Variants in CHCHD6 observed in about 807,000 individuals in gnomAD.
CHCHD6 encodes the protein coiled-coil-helix-coiled-coil-helix domain containing 6.
In CHCHD6, 28 loss-of-function variants were observed where a neutral mutation model predicts 32.3. The observed-to-expected ratio is 0.87, with a 90% confidence interval of 0.64 to 1.19. The LOEUF is 1.19. Among genes scored for constraint, CHCHD6 ranks in the 50% most tolerant of loss-of-function variants. The pLI, the probability that CHCHD6 is intolerant of heterozygous loss-of-function variation, is 0.00. For missense variants in CHCHD6, 333 were observed against 307.0 expected, an observed-to-expected ratio of 1.08 and a Z score of -0.63; for synonymous variants, 122 against 117.5, an observed-to-expected ratio of 1.04 and a Z score of -0.25.
intron 4 of CHCHD6, among the ~76,000 whole-genome samples, chr3:126,785,408 C>A (rs1034788826): frequency 6.6e-6 from 1 of 152,204 alleles, no homozygotes; most frequent in African/African-American, 2.4e-5. Context: ...TGGCTTCAAA[C>A]ACATGAACAT....
At chr3:126,852,597 TCCAGCACCATC>T (rs1941509852) in intron 4 of CHCHD6, 39 bp from the exon 5 acceptor site, 2 of 1,373,822 alleles carry the variant, frequency 1.5e-6, no homozygotes, top group East Asian at 4.6e-5. Flanking sequence ...GCAGCACCAT[TCCAGCACCATC>T]GCTGCTGGCT....
At chr3:126,797,849 C>T (rs1406855862) in intron 4 of CHCHD6, among the ~76,000 whole-genome samples, 1 of 152,082 alleles carries the variant, frequency 6.6e-6, no homozygotes, top group Non-Finnish European at 1.5e-5. Flanking sequence ...AAGCTCTCCC[C>T]CATGGTGTGG....
intron 5 of CHCHD6, among the ~76,000 whole-genome samples, chr3:126,912,693 C>T (rs1483021155): frequency 6.6e-6 from 1 of 152,246 alleles, no homozygotes; most frequent in African/African-American, 2.4e-5. Context: ...GGCAGAATGC[C>T]AGCACCTGGT....
At chr3:126,786,678 T>G (rs187112438) in intron 4 of CHCHD6, among the ~76,000 whole-genome samples, 3 of 152,360 alleles carry the variant, frequency 2.0e-5, no homozygotes, top group African/African-American at 7.2e-5. Flanking sequence ...TGGGGTTGTT[T>G]TTTTCTTGTA....
chr3:126,932,871 A>G (rs1338623330), intron 6 of CHCHD6, among the ~76,000 whole-genome samples: 1 of 150,024 alleles, frequency 6.7e-6, no homozygotes, highest in Non-Finnish European at 1.5e-5. Flanking sequence ...TCTGGATGTT[A>G]TTTAGCAGCA....
At chr3:126,864,946 A>G (rs1181821122) in intron 5 of CHCHD6, among the ~76,000 whole-genome samples, 1 of 143,328 alleles carries the variant, frequency 7.0e-6, no homozygotes, top group African/African-American at 2.6e-5. Flanking sequence ...CTCCTCCACC[A>G]TCATCTCCTC....
chr3:126,838,690 A>G (rs548869224), intron 4 of CHCHD6, among the ~76,000 whole-genome samples: 1 of 152,320 alleles, frequency 6.6e-6, no homozygotes, highest in East Asian at 1.9e-4. Flanking sequence ...GAGAACACCT[A>G]CAGCAGGGCA....
chr3:126,788,413 C>G (rs1348728606), intron 4 of CHCHD6, among the ~76,000 whole-genome samples: 1 of 152,120 alleles, frequency 6.6e-6, no homozygotes, highest in Non-Finnish European at 1.5e-5. Flanking sequence ...CCAGCTCCTC[C>G]TTGTACCTCT....
At position 126,833,441 on chromosome 3, in the gene CHCHD6, C is replaced by G. The variant is rs554512736; in HGVS notation, c.412-19206C>G. ...GTTAAATTTGAAAACAGTTTCTAAA[C>G]AATATTTTGAACAAGAGCAGCTTTG... On this transcript the variant is annotated intron_variant, in intron 4 of 7. Coordinates refer to ENST00000290913, the MANE Select transcript of CHCHD6 (RefSeq NM_032343.3). Among the ~76,000 whole-genome samples, 6 of 152,288 alleles carry G rather than the reference C, an allele frequency of 3.9e-5. No homozygotes were observed. In the East Asian group the frequency reaches 1.2e-3, roughly 29 times the overall value.
chr3:126,745,106 C>T (rs1936438823), intron 4 of CHCHD6, among the ~76,000 whole-genome samples: 1 of 152,178 alleles, frequency 6.6e-6, no homozygotes, highest in African/African-American at 2.4e-5. Flanking sequence ...AACTGTGTCG[C>T]AGGGCCACCT....
chr3:126,872,133 T>G (rs1409306331), intron 5 of CHCHD6, among the ~76,000 whole-genome samples: 5 of 152,182 alleles, frequency 3.3e-5, no homozygotes, highest in African/African-American at 9.7e-5. Context: ...TTGGTTGTCA[T>G]GACTGAGGGA....
chr3:126,933,716 T>C (rs1304798123), intron 6 of CHCHD6, among the ~76,000 whole-genome samples: 1 of 152,168 alleles, frequency 6.6e-6, no homozygotes, highest in Non-Finnish European at 1.5e-5. Context: ...CCTCCAACAC[T>C]GGGGAGTCAC....
intron 5 of CHCHD6, among the ~76,000 whole-genome samples, chr3:126,863,945 T>TCAA (rs1942109820): frequency 1.3e-5 from 1 of 77,030 alleles, no homozygotes; most frequent in South Asian, 4.8e-4. Context: ...TTCTCCACCA[T>TCAA]CACCACCTCC....
intron 5 of CHCHD6, among the ~76,000 whole-genome samples, chr3:126,885,445 C>A (rs985173820): frequency 2.0e-5 from 3 of 152,192 alleles, no homozygotes; most frequent in Non-Finnish European, 4.4e-5. Flanking sequence ...TAGCTGCACA[C>A]TGGCCTGCAC....
At chr3:126,706,242 A>G (rs902860510) in intron 1 of CHCHD6, among the ~76,000 whole-genome samples, 2 of 152,190 alleles carry the variant, frequency 1.3e-5, no homozygotes, top group African/African-American at 2.4e-5. Flanking sequence ...TGAGTATTAT[A>G]TAAGACAGGT....
chr3:126,780,942 T>A (rs1345386475), intron 4 of CHCHD6, among the ~76,000 whole-genome samples: 1 of 152,132 alleles, frequency 6.6e-6, no homozygotes, highest in Non-Finnish European at 1.5e-5. Context: ...TCACAAGGCA[T>A]CCAGTCCTCA....
chr3:126,747,385 T>G (rs1479709714), intron 4 of CHCHD6, among the ~76,000 whole-genome samples: 2 of 152,216 alleles, frequency 1.3e-5, no homozygotes, highest in Non-Finnish European at 2.9e-5. Context: ...GAGATGATAG[T>G]GCAACTCATA....
chr3:126,952,755 G>A lies in CHCHD6; in HGVS notation c.567-4661G>A, dbSNP rs186143476. Among the ~76,000 whole-genome samples the A allele has an allele frequency of 5.3e-5, 8 of 152,334 alleles. No homozygotes were observed. In the East Asian group the frequency reaches 1.5e-3, roughly 29 times the overall value. On this transcript the variant is annotated intron_variant, in intron 6 of 7. Transcript: ENST00000290913. ...GTGTTTTGGATGGAGTGCGGGGAAT[G>A]GAGAAGGTCCAGGAGAGGTGGTCAG...
At chr3:126,847,244 G>C (rs1289399190) in intron 4 of CHCHD6, among the ~76,000 whole-genome samples, 1 of 152,160 alleles carries the variant, frequency 6.6e-6, no homozygotes, top group Non-Finnish European at 1.5e-5. Flanking sequence ...TCATTTGAAG[G>C]CTCCACTGGG....
Sources: gnomAD v4.1 joint callset for allele counts (sites outside exome capture counted in the v4.1 genomes callset) on GRCh38, gnomAD v4.1.1 for gene constraint, MANE v1.5 for transcripts, NCBI Gene and HGNC (gene_info 2026-07-23, HGNC 2026-07-21) for gene names.